The following MLPH variants were observed in gnomAD, a reference collection of about 807,000 sequenced individuals.
MLPH encodes the protein exophilin-3.
A neutral mutation model predicts 72.1 loss-of-function variants in MLPH; 51 were observed. The observed-to-expected ratio is 0.71, with a 90% CI of 0.56 to 0.89. The LOEUF (loss-of-function observed/expected upper bound fraction) is 0.89. Among genes scored for constraint, MLPH ranks in the 40% least tolerant of loss-of-function variants. The pLI, the probability that MLPH is intolerant of heterozygous loss-of-function variation, is 0.00. For missense variants in MLPH, 743 were observed against 759.9 expected (o/e 0.98, Z 0.26); for synonymous variants, 301 against 310.1 (o/e 0.97, Z 0.31).
chr2:237,538,176 C>T (rs1442610050), intron 9 of MLPH, among the ~76,000 whole-genome samples: 1 of 152,196 alleles, frequency 6.6e-6, no homozygotes, highest in African/African-American at 2.4e-5. Context: ...GGTTTGCATT[C>T]CATCTGGGAG....
rs560089165 is a variant in MLPH, at chr2:237,539,416, G to T, written c.1105-932G>T. On this transcript the variant is annotated intron_variant, in intron 9 of 15. Transcript: ENST00000264605. Reference sequence around the variant, plus strand: ...TTCTTGGCCTAAGCGAGCTTTAAAGGGTGAAGCTGCCTTTAAAAATGTGAG... The same window carrying T: ...TTCTTGGCCTAAGCGAGCTTTAAAGTGTGAAGCTGCCTTTAAAAATGTGAG... Among the ~76,000 whole-genome samples the T allele has an allele frequency of 2.0e-5, 3 of 152,342 alleles. No individual in the cohort carries two copies. The East Asian group carries it at 5.8e-4, about 29-fold the overall frequency.
At chr2:237,545,252 G>A (rs1257655576) in intron 12 of MLPH, among the ~76,000 whole-genome samples, 5 of 150,568 alleles carry the variant, frequency 3.3e-5, no homozygotes, top group South Asian at 2.1e-4. Context: ...TGGTGAGTGA[G>A]GGGAACACAG....
intron 2 of MLPH, among the ~76,000 whole-genome samples, chr2:237,509,002 TG>T (rs905963567): frequency 3.3e-5 from 5 of 152,212 alleles, no homozygotes; most frequent in Non-Finnish European, 7.3e-5. Flanking sequence ...GAGTGACTTC[TG>T]GTCAACCCAA....
At chr2:237,529,295 G>A (rs1257088786) in intron 8 of MLPH, among the ~76,000 whole-genome samples, 3 of 152,068 alleles carry the variant, frequency 2.0e-5, no homozygotes, top group East Asian at 1.9e-4. Context: ...TGCCCACCTC[G>A]GCCTCCCAAA....
rs1354151606 is a variant in MLPH, at chr2:237,496,937, T to A, written c.110+3401T>A. Among the ~76,000 whole-genome samples, 4 of 152,110 alleles carry A rather than the reference T, an allele frequency of 2.6e-5. No individual in the cohort carries two copies. The East Asian group carries it at 7.7e-4, about 29-fold the overall frequency. ...GGTGACACATTTGGGAGGCAAAGAA[T>A]CATGTAAACCAGTGGTCCCCAACCT... is the stretch of plus-strand genomic sequence containing the variant. On this transcript the variant is annotated intron_variant, in intron 2 of 15. Coordinates refer to ENST00000264605, the MANE Select transcript of MLPH (RefSeq NM_024101.7).
At position 237,510,878 on chromosome 2, in the gene MLPH, T is replaced by A. The variant is rs1387209122; in HGVS notation, c.332+83T>A. 1 of 1,560,214 alleles carries A rather than the reference T, an allele frequency of 6.4e-7. No individual in the cohort carries two copies. The highest frequency in any genetic ancestry group is 2.2e-5 in the East Asian group (1 of 44,580). The stretch of plus-strand genomic sequence containing the variant: ...TTCCATGGGGCTAGCTGAAGAAGGG[T>A]GGACGCACACATGCACACACTCGTG... On this transcript the variant is annotated intron_variant, in intron 3 of 15. Coordinates refer to ENST00000264605, the MANE Select transcript of MLPH (RefSeq NM_024101.7). This position sits in a 1 kb window ranked among gnomAD's most constrained non-coding sequence, Gnocchi z 4.4.
intron 15 of MLPH, 22 bp downstream of exon 15, chr2:237,552,459 TGAG>T: frequency 1.2e-6 from 2 of 1,603,996 alleles, no homozygotes; most frequent in South Asian, 1.1e-5. Flanking sequence ...TCTCATTCTC[TGAG>T]GAGTTTTTAA....
rs2079919426 is a variant in MLPH, at chr2:237,512,195, G to A, written c.445+1094G>A. On this transcript the variant is annotated intron_variant, in intron 4 of 15. Transcript: ENST00000264605. The surrounding 1 kb of genome is among the most constrained non-coding windows in gnomAD (Gnocchi z 5.5). ...GCCCCAGCCCAGGCGTCTCCCCCAGGCCTTCCTTCTGGAGAGACACCTTAT... is the reference window on the plus strand; with the variant it reads ...GCCCCAGCCCAGGCGTCTCCCCCAGACCTTCCTTCTGGAGAGACACCTTAT... Among the ~76,000 whole-genome samples, 1 of 152,164 alleles carries A rather than the reference G, an allele frequency of 6.6e-6. No individual in the cohort carries two copies. The highest frequency in any genetic ancestry group is 2.4e-5 in the African/African-American group (1 of 41,390).
rs1160067453 is a variant in MLPH, at chr2:237,510,756, A to G, written c.293A>G (p.Glu98Gly). 1 of 1,613,644 alleles carries G rather than the reference A, an allele frequency of 6.2e-7. No individual in the cohort carries two copies. ...TCKSCGRVHP[E>G]EQGWICDPCH... ...AAAAGCTGTGGCCGCGTCCACCCGG[A>G]GGAGCAGGGCTGGATCTGTGACCCC... Residue 98 changes from glutamate to glycine, a missense_variant, in exon 3 of 16, where the codon GAG becomes GGG. Glu to Gly is a moderately conservative substitution (Grantham distance 98). Transcript: ENST00000264605. This position sits in a 1 kb window ranked among gnomAD's most constrained non-coding sequence, Gnocchi z 4.4.
chr2:237,510,493 G>A lies in MLPH; in HGVS notation c.111-81G>A. The A allele has an allele frequency of 1.7e-6, 2 of 1,192,090 alleles. No homozygotes were observed. The highest frequency in any genetic ancestry group is 2.5e-6 in the Non-Finnish European group (2 of 814,040). The allele number at this position is 1,192,090 out of a possible 1,614,324, so 73.8% of individuals were successfully genotyped here. On this transcript the variant is annotated intron_variant, in intron 2 of 15. Coordinates refer to ENST00000264605, the MANE Select transcript of MLPH (RefSeq NM_024101.7). The surrounding 1 kb of genome is among the most constrained non-coding windows in gnomAD (Gnocchi z 4.4). The stretch of plus-strand genomic sequence containing the variant: ...TGTATGTGTCTGTGTCTGTGTGTGT[G>A]TGTATGTACGTGTACACACTTAAAG...
chr2:237,536,401 C>A (rs2080532333), intron 9 of MLPH, among the ~76,000 whole-genome samples: 1 of 152,182 alleles, frequency 6.6e-6, no homozygotes. Context: ...CTGCAGTACC[C>A]CTGCAAGGTA....
chr2:237,534,700 AG>A, intron 9 of MLPH, 53 bp downstream of exon 9: 3 of 1,401,608 alleles, frequency 2.1e-6, no homozygotes, highest in Non-Finnish European at 1.0e-6. Context: ...CCTTAGTTAA[AG>A]GAGGCTGAAG....
At chr2:237,539,371 G>C (rs2080616644) in intron 9 of MLPH, among the ~76,000 whole-genome samples, 1 of 152,220 alleles carries the variant, frequency 6.6e-6, no homozygotes, top group African/African-American at 2.4e-5. Flanking sequence ...AGAAAAAGAG[G>C]GGTCATGATG....
chr2:237,539,024 C>T (rs893159922), intron 9 of MLPH, among the ~76,000 whole-genome samples: 9 of 152,126 alleles, frequency 5.9e-5, no homozygotes, highest in East Asian at 1.9e-4. Flanking sequence ...GGAGACAGCC[C>T]GGCCAAGATG....
intron 2 of MLPH, among the ~76,000 whole-genome samples, chr2:237,495,644 C>T (rs1438280220): frequency 1.3e-5 from 2 of 152,162 alleles, no homozygotes; most frequent in African/African-American, 2.4e-5. Flanking sequence ...GAGGGGCCGG[C>T]GTCAGAGCCT....
At chr2:237,551,257 GGGCCGGCAGGCCA>G (rs1285625922) in intron 14 of MLPH, among the ~76,000 whole-genome samples, 2 of 152,250 alleles carry the variant, frequency 1.3e-5, no homozygotes, top group Non-Finnish European at 2.9e-5. Flanking sequence ...CGGGGACGGA[GGGCCGGCAGGCCA>G]GGCCACATGA....
intron 5 of MLPH, among the ~76,000 whole-genome samples, chr2:237,519,086 T>TGTTTG (rs1003604984): frequency 2.0e-5 from 3 of 146,354 alleles, no homozygotes; most frequent in African/African-American, 8.3e-5. Context: ...TTGTTTTGTT[T>TGTTTG]GTTTTTTTTT....
intron 6 of MLPH, among the ~76,000 whole-genome samples, chr2:237,524,075 A>T (rs1476670033): frequency 6.6e-6 from 1 of 152,010 alleles, no homozygotes; most frequent in East Asian, 1.9e-4. Flanking sequence ...GTAGAATTTT[A>T]TGGAAAAGGA....
rs561855187 is a variant in MLPH at position 237,541,171 on chromosome 2, T to A, written c.1446+214T>A. Among the ~76,000 whole-genome samples the A allele has an allele frequency of 4.6e-5, 7 of 152,148 alleles. No homozygotes were observed. The highest frequency in any genetic ancestry group is 4.6e-4 in the Admixed American group (7 of 15,296). The stretch of plus-strand genomic sequence containing the variant: ...CCCCCTGAGCCCTCCACCCCTTCCC[T>A]TTTTCCTGTTCAACTTGGTGAGGGA... On this transcript the variant is annotated intron_variant, in intron 11 of 15. Transcript: ENST00000264605. The surrounding 1 kb of genome is among the most constrained non-coding windows in gnomAD (Gnocchi z 5.1).
Sources: allele counts gnomAD v4.1 joint callset (sites outside exome capture counted in the v4.1 genomes callset), GRCh38; gene constraint gnomAD v4.1.1; non-coding constraint Gnocchi (gnomAD v3.1); transcripts MANE v1.5; gene names NCBI Gene and HGNC (gene_info 2026-07-23, HGNC 2026-07-21).